MAML3: variants seen among roughly 807,000 people sequenced by gnomAD.
MAML3 encodes the protein mastermind-like protein 3.
Under a neutral mutation model 101.9 loss-of-function variants are expected in MAML3, and 27 were observed. That is an observed-to-expected ratio of 0.27 (90% CI 0.20 to 0.37). MAML3 has a LOEUF of 0.37. MAML3 is among the 10% of genes least tolerant of loss of function. The pLI is 1.00. For synonymous variants in MAML3, 501 were observed against 555.9 expected (o/e 0.90, Z 1.39); for missense variants, 1,316 against 1,444.9 (o/e 0.91, Z 1.45).
chr4:140,092,104 G>GTATATATATATATATATACGTATATATA (rs1416440469), intron 1 of MAML3, among the ~76,000 whole-genome samples: 1 of 79,154 alleles, frequency 1.3e-5, no homozygotes, highest in African/African-American at 4.2e-5. Context: ...ATATATATAC[G>GTATATATATATATATATACGTATATATA]TATATATATA....
At chr4:139,938,109 A>G (rs997961739) in intron 1 of MAML3, among the ~76,000 whole-genome samples, 1 of 152,210 alleles carries the variant, frequency 6.6e-6, no homozygotes, top group African/African-American at 2.4e-5. Context: ...CTGGGCACCA[A>G]GGGCTATGAG....
intron 1 of MAML3, among the ~76,000 whole-genome samples, chr4:139,939,358 T>C (rs78088844): frequency 0.014 from 2,070 of 152,306 alleles, 28 homozygotes; most frequent in Non-Finnish European, 0.02. Flanking sequence ...TGGCTCCCCA[T>C]GGCTAATAGA....
At chr4:139,722,052 A>G (rs72946539) in intron 4 of MAML3, among the ~76,000 whole-genome samples, 4,508 of 152,304 alleles carry the variant, frequency 0.03, 184 homozygotes, top group African/African-American at 0.094. Flanking sequence ...GAAATAGATG[A>G]AAGGACATCT....
chr4:139,920,238 G>A (rs1733101568), intron 1 of MAML3, among the ~76,000 whole-genome samples: 1 of 152,004 alleles, frequency 6.6e-6, no homozygotes, highest in African/African-American at 2.4e-5. Flanking sequence ...ATGGAATATT[G>A]TGTTAAGTCA....
At chr4:139,883,861 G>GT (rs113715582) in intron 2 of MAML3, among the ~76,000 whole-genome samples, 35,713 of 123,574 alleles carry the variant, frequency 0.29, 5,518 homozygotes, top group East Asian at 0.58. Context: ...GGTTCTTAAA[G>GT]TTTTTTTTTT....
chr4:139,878,890 C>T (rs930208632), intron 2 of MAML3, among the ~76,000 whole-genome samples: 5 of 152,136 alleles, frequency 3.3e-5, no homozygotes, highest in African/African-American at 9.7e-5. Flanking sequence ...CATTCCTTTG[C>T]GGTCTGTCTT....
chr4:140,094,268 A>G (rs993666046), intron 1 of MAML3, among the ~76,000 whole-genome samples: 1 of 152,238 alleles, frequency 6.6e-6, no homozygotes, highest in Admixed American at 6.5e-5. Flanking sequence ...TGAGGTGCCA[A>G]AGTAATTGTA....
At chr4:139,847,156 CT>C (rs983199702) in intron 2 of MAML3, among the ~76,000 whole-genome samples, 1 of 152,190 alleles carries the variant, frequency 6.6e-6, no homozygotes, top group African/African-American at 2.4e-5. Flanking sequence ...TTTCTTCCCC[CT>C]CCCTCTTTCC....
intron 1 of MAML3, among the ~76,000 whole-genome samples, chr4:140,072,974 A>C (rs1323303978): frequency 6.6e-6 from 1 of 152,154 alleles, no homozygotes; most frequent in Non-Finnish European, 1.5e-5. Flanking sequence ...TTCCTGGGTG[A>C]AATTTCTCTA....
chr4:140,039,745 G>A (rs116045518), intron 1 of MAML3, among the ~76,000 whole-genome samples: 189 of 152,216 alleles, frequency 1.2e-3, no homozygotes, highest in African/African-American at 4.4e-3. Flanking sequence ...GAGTTAATAC[G>A]CACCAAGCAA....
chr4:139,873,830 C>T (rs1732059007), intron 2 of MAML3, among the ~76,000 whole-genome samples: 1 of 152,190 alleles, frequency 6.6e-6, no homozygotes, highest in Non-Finnish European at 1.5e-5. Context: ...TGAGCCATAA[C>T]CACCCAGCTA....
chr4:139,876,077 TTGGGC>T (rs1732110691), intron 2 of MAML3, among the ~76,000 whole-genome samples: 1 of 152,140 alleles, frequency 6.6e-6, no homozygotes, highest in Admixed American at 6.5e-5. Context: ...CTGGTCCGAA[TTGGGC>T]TGTGCTATAA....
chr4:140,086,753 A>G (rs759748019), intron 1 of MAML3, among the ~76,000 whole-genome samples: 1 of 152,236 alleles, frequency 6.6e-6, no homozygotes, highest in Non-Finnish European at 1.5e-5. Flanking sequence ...AAACCATTTC[A>G]CTAGAAATTT....
At chr4:140,043,711 C>G (rs975576963) in intron 1 of MAML3, among the ~76,000 whole-genome samples, 2 of 152,162 alleles carry the variant, frequency 1.3e-5, no homozygotes, top group African/African-American at 4.8e-5. Flanking sequence ...TCGTGCCCAC[C>G]TAGATTCAGC....
intron 1 of MAML3, among the ~76,000 whole-genome samples, chr4:140,045,504 T>G (rs1276400464): frequency 6.6e-6 from 1 of 152,150 alleles, no homozygotes; most frequent in Non-Finnish European, 1.5e-5. Flanking sequence ...TTTTTCAATC[T>G]AAAATATTCT....
chr4:139,922,971 C>G (rs1000604573), intron 1 of MAML3, among the ~76,000 whole-genome samples: 4 of 152,168 alleles, frequency 2.6e-5, no homozygotes, highest in Non-Finnish European at 4.4e-5. Flanking sequence ...CCGGGTAGAT[C>G]TGAAATCTCA....
At chr4:140,062,781 C>T (rs912977108) in intron 1 of MAML3, among the ~76,000 whole-genome samples, 1 of 152,154 alleles carries the variant, frequency 6.6e-6, no homozygotes, top group African/African-American at 2.4e-5. Flanking sequence ...TGCACAGTTC[C>T]AGGACATAGA....
At chr4:139,920,663 T>C (rs1733115604) in intron 1 of MAML3, among the ~76,000 whole-genome samples, 1 of 152,214 alleles carries the variant, frequency 6.6e-6, no homozygotes, top group Admixed American at 6.5e-5. Context: ...GGGCACACAG[T>C]TGTCCAGGGC....
At chr4:139,863,586 G>C (rs1731826956) in intron 2 of MAML3, among the ~76,000 whole-genome samples, 1 of 151,912 alleles carries the variant, frequency 6.6e-6, no homozygotes, top group Admixed American at 6.6e-5. Context: ...CTGACCTTAG[G>C]TGATCCTCCC....
Sources: allele counts gnomAD v4.1 joint callset (sites outside exome capture counted in the v4.1 genomes callset), GRCh38; gene constraint gnomAD v4.1.1; transcripts MANE v1.5; gene names NCBI Gene and HGNC (gene_info 2026-07-23, HGNC 2026-07-21).